KYNU: variants seen among roughly 807,000 people sequenced by gnomAD.
The protein encoded by KYNU is kynureninase, also known as L-kynurenine hydrolase.
Under a neutral mutation model 59.2 loss-of-function variants are expected in KYNU, and 54 were observed. That is an observed-to-expected ratio of 0.91 (90% CI 0.73 to 1.14). KYNU has a LOEUF of 1.14. Ranked by LOEUF, KYNU falls within the 50% of genes most tolerant of loss-of-function variation. The probability of loss-of-function intolerance (pLI) is 0.00; values close to 1 mark genes in which losing one functional copy is unlikely to be tolerated. For missense variants in KYNU, 567 were observed against 554.4 expected, an observed-to-expected ratio of 1.02 and a Z score of -0.23; for synonymous variants, 177 against 192.0, an observed-to-expected ratio of 0.92 and a Z score of 0.65.
At chr2:142,913,617 T>C (rs1289512282) in intron 2 of KYNU, among the ~76,000 whole-genome samples, 1 of 152,220 alleles carries the variant, frequency 6.6e-6, no homozygotes, top group Non-Finnish European at 1.5e-5. Flanking sequence ...TCCAAGCATA[T>C]GGTCAATCAT....
At chr2:143,022,567 C>T (rs1312681373) in intron 10 of KYNU, among the ~76,000 whole-genome samples, 1 of 151,868 alleles carries the variant, frequency 6.6e-6, no homozygotes, top group African/African-American at 2.4e-5. Context: ...GTTTTCTATG[C>T]ACTGAGCTAG....
intron 4 of KYNU, among the ~76,000 whole-genome samples, chr2:142,944,681 A>G (rs1329187243): frequency 6.6e-6 from 1 of 152,236 alleles, no homozygotes; most frequent in Non-Finnish European, 1.5e-5. Context: ...TTTAAAAAAA[A>G]AAGATTGTTA....
chr2:142,905,799 G>C (rs1426424295), intron 2 of KYNU, among the ~76,000 whole-genome samples: 1 of 152,152 alleles, frequency 6.6e-6, no homozygotes, highest in African/African-American at 2.4e-5. Context: ...GAAGGCTACA[G>C]GTTGTCAGTG....
rs969200898 is a variant in KYNU at position 143,040,567 on chromosome 2, C to T, written c.1181C>T (p.Ser394Phe). ...KKPVVNIITP[S>F]HVEERGCQLT... is the part of the protein sequence containing the mutation. ...CCAGTTGTGAACATAATTACTCCGT[C>T]TCATGTAGAGGAGCGGGGGTGCCAG... The change falls in exon 13 of 14, where the codon TCT (serine) becomes TTT (phenylalanine). Residue 394 changes from serine (S) to phenylalanine (F), a missense_variant. By Grantham distance (155) the Ser-to-Phe change is radical. Coordinates refer to ENST00000264170, the MANE Select transcript of KYNU (RefSeq NM_003937.3). The T allele has an allele frequency of 1.2e-6, 2 of 1,612,902 alleles. No individual in the cohort carries two copies. Among genetic ancestry groups the T allele is most frequent in the African/African-American group, 1.3e-5 (1 of 74,988 alleles).
chr2:143,053,742 A>G lies in KYNU; in HGVS notation c.*11570A>G, dbSNP rs1687307578. On this transcript the variant is annotated 3_prime_UTR_variant, in exon 14 of 14. Coordinates refer to ENST00000264170, the MANE Select transcript of KYNU (RefSeq NM_003937.3). Reference sequence around the variant, plus strand: ...CCTGGCCATGTGGAACTGTGAGTCCATTAAACCTCTTTCTTTTGTAAATTG... The same window carrying G: ...CCTGGCCATGTGGAACTGTGAGTCCGTTAAACCTCTTTCTTTTGTAAATTG... The G allele has an allele frequency of 6.6e-6, 1 of 152,586 alleles. No individual in the cohort carries two copies. The highest frequency in any genetic ancestry group is 2.1e-4 in the South Asian group (1 of 4,838). The allele number at this position is 152,586 out of a possible 1,614,324, so 9.5% of individuals were successfully genotyped here. A position where few individuals can be genotyped will look rare whatever the true frequency, so the allele number is the denominator to read the frequency against.
chr2:143,013,907 A>T (rs1686181841), intron 10 of KYNU, among the ~76,000 whole-genome samples: 1 of 152,316 alleles, frequency 6.6e-6, no homozygotes, highest in South Asian at 2.1e-4. Context: ...ATTCTCCAAG[A>T]TGTGTATGAA....
chr2:142,965,686 G>T (rs953264671), intron 8 of KYNU, among the ~76,000 whole-genome samples: 1 of 152,142 alleles, frequency 6.6e-6, no homozygotes, highest in Non-Finnish European at 1.5e-5. Context: ...GCAGATTCCT[G>T]CTAATGACTC....
chr2:142,977,372 G>GAGTTATATATATATAT lies in KYNU; in HGVS notation c.730-7711_730-7710insGTTATATATATATATA, dbSNP rs1553484697. Among the ~76,000 whole-genome samples the GAGTTATATATATATAT allele has an allele frequency of 3.3e-3, 437 of 131,202 alleles. 6 individuals carry two copies. The highest frequency in any genetic ancestry group is 0.011 in the African/African-American group (390 of 34,608). The allele number at this position is 131,202 out of a possible 152,430, so 86.1% of individuals were successfully genotyped here. A position where few individuals can be genotyped will look rare whatever the true frequency, so the allele number is the denominator to read the frequency against. ...AGCTTCCTGGATGGAATTTTGTGTG[G>GAGTTATATATATATAT]ATATATATATATATGAATAATCATA... is the stretch of plus-strand genomic sequence containing the variant. On this transcript the variant is annotated intron_variant, in intron 8 of 13. Coordinates refer to ENST00000264170, the MANE Select transcript of KYNU (RefSeq NM_003937.3).
intron 10 of KYNU, among the ~76,000 whole-genome samples, chr2:143,013,298 C>CTGTGTGTGTGTGTGTGTGTG (rs71301735): frequency 0.028 from 4,154 of 149,510 alleles, 82 homozygotes; most frequent in South Asian, 0.076. Context: ...GTCTCTTTCT[C>CTGTGTGTGTGTGTGTGTGTG]TGTGTGTGTG....
At chr2:142,987,076 A>T (rs1406177492) in intron 10 of KYNU, among the ~76,000 whole-genome samples, 1 of 151,930 alleles carries the variant, frequency 6.6e-6, no homozygotes, top group African/African-American at 2.4e-5. Context: ...TTACTTGAAT[A>T]TCATTATCAG....
Position 143,047,555 on chromosome 2 carries a change from CTT to C in KYNU, c.*5385_*5386del, listed in dbSNP as rs1687185867. On this transcript the variant is annotated 3_prime_UTR_variant, in exon 14 of 14. Transcript: ENST00000264170. ...TCTCTCTCTTTCTCTTTCTCTCTTT[CTT>C]TCTTTCTTTCTTTCTCACAGGGTGT... 2 of 150,212 alleles carry C rather than the reference CTT, an allele frequency of 1.3e-5. No individual in the cohort carries two copies. Among genetic ancestry groups the C allele is most frequent in the South Asian group, 4.2e-4 (2 of 4,752 alleles). 9.3% of individuals were successfully genotyped at this position (150,212 alleles called of 1,614,324 possible).
chr2:142,988,003 G>A (rs1176306245), intron 10 of KYNU, among the ~76,000 whole-genome samples: 2 of 151,770 alleles, frequency 1.3e-5, no homozygotes, highest in Non-Finnish European at 2.9e-5. Context: ...GGCCTTCCCA[G>A]TCATGCTTCC....
chr2:142,939,602 C>CAAAAAAAAAAAAAAAAAAAAAAAAAAA (rs71301737), intron 4 of KYNU, among the ~76,000 whole-genome samples: 2 of 65,098 alleles, frequency 3.1e-5, no homozygotes, highest in Non-Finnish European at 5.7e-5. Flanking sequence ...CTCCATCTCA[C>CAAAAAAAAAAAAAAAAAAAAAAAAAAA]AAAAAAAAAA....
intron 8 of KYNU, among the ~76,000 whole-genome samples, chr2:142,964,395 T>C (rs1684462402): frequency 6.6e-6 from 1 of 152,204 alleles, no homozygotes; most frequent in African/African-American, 2.4e-5. Context: ...GTTGTTCTTC[T>C]ACCAGCATAT....
chr2:142,904,526 T>C lies in KYNU; in HGVS notation c.170-14083T>C, dbSNP rs532140607. 7.2e-5 allele frequency among the ~76,000 whole-genome samples: 11 copies of C among 152,336 alleles called. No homozygotes were observed. In the East Asian group the frequency reaches 2.1e-3, roughly 29 times the overall value. On this transcript the variant is annotated intron_variant, in intron 2 of 13. Transcript: ENST00000264170. Reference sequence around the variant, plus strand: ...TGTCTGATCTAGCAGTAACATTATATCTCTCCATGTCAGATCAAAGGATTG... The same window carrying C: ...TGTCTGATCTAGCAGTAACATTATACCTCTCCATGTCAGATCAAAGGATTG...
intron 10 of KYNU, among the ~76,000 whole-genome samples, chr2:143,014,611 A>G (rs2105208670): frequency 6.6e-6 from 1 of 152,334 alleles, no homozygotes; most frequent in African/African-American, 2.4e-5. Context: ...TTTGTTCTAT[A>G]TGCACCGTTT....
In KYNU at chr2:142,940,532, A is replaced by G. The variant is rs541437722; in HGVS notation, c.373+12791A>G. 3.9e-5 allele frequency among the ~76,000 whole-genome samples: 6 copies of G among 152,352 alleles called. No individual in the cohort carries two copies. The South Asian group carries it at 6.2e-4, about 16-fold the overall frequency. ...ACACATAAATACATGTATGACACAT[A>G]AAGATCACTGAAATTTCAAACCTGT... On this transcript the variant is annotated intron_variant, in intron 4 of 13. Transcript: ENST00000264170.
At chr2:142,908,476 A>T (rs528590712) in intron 2 of KYNU, among the ~76,000 whole-genome samples, 25 of 139,450 alleles carry the variant, frequency 1.8e-4, no homozygotes, top group African/African-American at 7.0e-4. Context: ...GTGAGTTCAT[A>T]TAAGGAACTG....
At chr2:142,903,801 C>T (rs1473234156) in intron 2 of KYNU, among the ~76,000 whole-genome samples, 4 of 152,074 alleles carry the variant, frequency 2.6e-5, no homozygotes, top group African/African-American at 7.2e-5. Flanking sequence ...GGGGCATGGA[C>T]GAGGGGGGTG....
Sources: gnomAD v4.1 joint callset for allele counts (sites outside exome capture counted in the v4.1 genomes callset) on GRCh38, gnomAD v4.1.1 for gene constraint, MANE v1.5 for transcripts, NCBI Gene and HGNC (gene_info 2026-07-23, HGNC 2026-07-21) for gene names.